The following GRAMD1C variants were observed in gnomAD, a reference collection of about 807,000 sequenced individuals.
GRAMD1C encodes the protein GRAM domain containing 1C, also known as protein Aster-C.
GRAMD1C carries 89 observed loss-of-function variants against 97.8 expected under a neutral mutation model. The observed-to-expected ratio is 0.91, with a 90% CI of 0.77 to 1.09. GRAMD1C has a LOEUF of 1.09. Among genes scored for constraint, GRAMD1C ranks in the 50% least tolerant of loss-of-function variants. The pLI is 0.00. For missense variants in GRAMD1C, 740 were observed against 766.4 expected, an observed-to-expected ratio of 0.97 and a Z score of 0.41; for synonymous variants, 256 against 267.0, an observed-to-expected ratio of 0.96 and a Z score of 0.40.
At chr3:113,921,668 T>C (rs758192636) in intron 10 of GRAMD1C, among the ~76,000 whole-genome samples, 4 of 152,238 alleles carry the variant, frequency 2.6e-5, no homozygotes, top group Non-Finnish European at 4.4e-5. Flanking sequence ...TGGTGTGAGA[T>C]AGTATCTCAC....
chr3:113,923,593 C>G (rs1937137211), intron 10 of GRAMD1C, among the ~76,000 whole-genome samples: 1 of 152,148 alleles, frequency 6.6e-6, no homozygotes, highest in Admixed American at 6.5e-5. Context: ...TATGTTGAAC[C>G]AACCTTGCAT....
At chr3:113,863,220 G>A (rs929628085) in intron 2 of GRAMD1C, among the ~76,000 whole-genome samples, 5 of 152,150 alleles carry the variant, frequency 3.3e-5, no homozygotes, top group Non-Finnish European at 7.3e-5. Context: ...ATAAAATGTA[G>A]TATATTTGTA....
intron 8 of GRAMD1C, among the ~76,000 whole-genome samples, chr3:113,908,625 C>G (rs1936451612): frequency 6.6e-6 from 1 of 152,032 alleles, no homozygotes; most frequent in Non-Finnish European, 1.5e-5. Context: ...CTTGTCTACC[C>G]CAAAGAATGG....
intron 1 of GRAMD1C, among the ~76,000 whole-genome samples, chr3:113,843,679 G>A (rs1395874759): frequency 2.6e-5 from 4 of 152,034 alleles, no homozygotes; most frequent in Non-Finnish European, 4.4e-5. Context: ...TCATTATATC[G>A]GCCAGGCTGG....
Position 113,869,721 on chromosome 3 carries a change from C to G in GRAMD1C, c.259+130C>G, listed in dbSNP as rs1934718725. The G allele has an allele frequency of 1.6e-5, 9 of 552,656 alleles. No homozygotes were observed. The Admixed American group carries it at 3.0e-4, about 18-fold the overall frequency. 34.2% of individuals were successfully genotyped at this position (552,656 alleles called of 1,614,324 possible). ...ATATAATTTTCAAGTTAAGCATCAT[C>G]CTTATGATCCAGCAATCCCATTTCT... On this transcript the variant is annotated intron_variant, in intron 3 of 17. Coordinates refer to ENST00000358160, the MANE Select transcript of GRAMD1C (RefSeq NM_017577.5).
chr3:113,899,235 GT>G (rs1936052665), intron 6 of GRAMD1C, among the ~76,000 whole-genome samples: 2 of 151,970 alleles, frequency 1.3e-5, no homozygotes, highest in Admixed American at 1.3e-4. Flanking sequence ...TTTTTAGTTG[GT>G]TTCCGTCTCT....
In GRAMD1C at chr3:113,933,664, G is replaced by C. The variant is rs201142310; in HGVS notation, c.1352+11G>C. On this transcript the variant is annotated intron_variant, in intron 12 of 17. Coordinates refer to ENST00000358160, the MANE Select transcript of GRAMD1C (RefSeq NM_017577.5). ...GAAATGCAGGCTAAGGTGAGCTGCT[G>C]TACATGAATGTGTTAGGATAGGCTA... The C allele has an allele frequency of 1.3e-5, 21 of 1,583,204 alleles. No homozygotes were observed. The East Asian group carries it at 4.3e-4, about 32-fold the overall frequency.
intron 2 of GRAMD1C, among the ~76,000 whole-genome samples, chr3:113,860,713 C>T (rs1934335557): frequency 6.6e-6 from 1 of 152,070 alleles, no homozygotes; most frequent in Non-Finnish European, 1.5e-5. Context: ...CACCTGTAAT[C>T]CCAGCACTTT....
At chr3:113,830,861 G>A (rs879495947) in intron 1 of GRAMD1C, among the ~76,000 whole-genome samples, 2 of 152,200 alleles carry the variant, frequency 1.3e-5, no homozygotes, top group Non-Finnish European at 2.9e-5. Flanking sequence ...CACTTTGGGA[G>A]GCCAAGGCGG....
intron 1 of GRAMD1C, 102 bp from the exon 2 acceptor site, chr3:113,844,401 G>T: frequency 1.4e-6 from 1 of 725,994 alleles, no homozygotes; most frequent in Non-Finnish European, 2.4e-6. Context: ...TTTAAATATT[G>T]CCCTTTTAAA....
At position 113,883,426 on chromosome 3, in the gene GRAMD1C, G is replaced by A. The variant is rs539532122; in HGVS notation, c.540+594G>A. On this transcript the variant is annotated intron_variant, in intron 6 of 17. Coordinates refer to ENST00000358160, the MANE Select transcript of GRAMD1C (RefSeq NM_017577.5). ...TGTAGTCCCAGCTACTTGGGAGGCT[G>A]AGGTGGGAGGATCACCTGAGCCCAG... Among the ~76,000 whole-genome samples, 447 of 152,024 alleles carry A rather than the reference G, an allele frequency of 2.9e-3. 1 individual carries two copies. The highest frequency in any genetic ancestry group is 5.4e-3 in the Non-Finnish European group (369 of 67,990).
intron 3 of GRAMD1C, among the ~76,000 whole-genome samples, chr3:113,873,261 AAAC>A (rs543608301): frequency 1.4e-4 from 22 of 152,014 alleles, no homozygotes; most frequent in African/African-American, 4.6e-4. Flanking sequence ...CCCTGTTTCA[AAAC>A]AACAACAACA....
At chr3:113,868,105 A>G (rs1181470265) in intron 2 of GRAMD1C, among the ~76,000 whole-genome samples, 1 of 151,736 alleles carries the variant, frequency 6.6e-6, no homozygotes, top group Non-Finnish European at 1.5e-5. Flanking sequence ...GTAGTTTTCA[A>G]CCCCAGAATG....
At chr3:113,859,293 G>T (rs1004443576) in intron 2 of GRAMD1C, among the ~76,000 whole-genome samples, 1 of 152,006 alleles carries the variant, frequency 6.6e-6, no homozygotes, top group Admixed American at 6.6e-5. Flanking sequence ...CATCAGTTCC[G>T]TGTGTTATTT....
At chr3:113,925,807 T>C (rs1274352667) in intron 10 of GRAMD1C, among the ~76,000 whole-genome samples, 1 of 152,216 alleles carries the variant, frequency 6.6e-6, no homozygotes, top group Non-Finnish European at 1.5e-5. Flanking sequence ...CTGAAAATGA[T>C]CTCATTTCTC....
chr3:113,892,621 C>T (rs7634937), intron 6 of GRAMD1C, among the ~76,000 whole-genome samples: 35,901 of 152,132 alleles, frequency 0.24, 4,293 homozygotes, highest in African/African-American at 0.29. Context: ...TACAATCATT[C>T]GTGACATAAT....
At chr3:113,883,859 T>C (rs1935353510) in intron 6 of GRAMD1C, among the ~76,000 whole-genome samples, 1 of 152,034 alleles carries the variant, frequency 6.6e-6, no homozygotes, top group Non-Finnish European at 1.5e-5. Context: ...ACAGTAAAAC[T>C]TGGGACTGCG....
chr3:113,894,998 A>AAAAG (rs1935880488), intron 6 of GRAMD1C, among the ~76,000 whole-genome samples: 2 of 152,198 alleles, frequency 1.3e-5, no homozygotes, highest in South Asian at 4.1e-4. Flanking sequence ...TTAGTGTATA[A>AAAAG]AAAGAAAGAA....
At position 113,850,397 on chromosome 3, in the gene GRAMD1C, C is replaced by G; in HGVS notation, c.174+5748C>G. The G allele has an allele frequency of 4.5e-6, 4 of 885,750 alleles. No homozygotes were observed. The South Asian group carries it at 5.2e-5, about 12-fold the overall frequency. 54.9% of individuals were successfully genotyped at this position (885,750 alleles called of 1,614,324 possible). A position where few individuals can be genotyped will look rare whatever the true frequency, so the allele number is the denominator to read the frequency against. On this transcript the variant is annotated intron_variant, in intron 2 of 17. Coordinates refer to ENST00000358160, the MANE Select transcript of GRAMD1C (RefSeq NM_017577.5). The stretch of plus-strand genomic sequence containing the variant: ...TTCCCCTTTTGTGAGTCTTGCAGGT[C>G]GCTCACCCTCCAGACCTTTAGGCCA...
Sources: allele counts gnomAD v4.1 joint callset (sites outside exome capture counted in the v4.1 genomes callset), GRCh38; gene constraint gnomAD v4.1.1; transcripts MANE v1.5; gene names NCBI Gene and HGNC (gene_info 2026-07-23, HGNC 2026-07-21).